RTP2: variants seen among roughly 807,000 people sequenced by gnomAD.
RTP2 encodes the protein receptor-transporting protein 2.
Under a neutral mutation model 17.9 loss-of-function variants are expected in RTP2, and 12 were observed. That is an observed-to-expected ratio of 0.67 (90% CI 0.43 to 1.09). The LOEUF is 1.09. Ranked by LOEUF, RTP2 falls within the 50% of genes least tolerant of loss-of-function variation. The probability of loss-of-function intolerance (pLI) is 0.00; values close to 1 mark genes in which losing one functional copy is unlikely to be tolerated. For missense variants in RTP2, 327 were observed against 295.7 expected, an observed-to-expected ratio of 1.11 and a Z score of -0.78; for synonymous variants, 126 against 117.7, an observed-to-expected ratio of 1.07 and a Z score of -0.46.
chr3:187,702,043 A>T, exon 1 of RTP2: 1 of 1,613,578 alleles, frequency 6.2e-7, no homozygotes, highest in Non-Finnish European at 8.5e-7. Flanking sequence ...GTCTATGATG[A>T]GCTCCCAGCT....
At chr3:187,705,439 C>A (rs1717967471), upstream of RTP2, among the ~76,000 whole-genome samples, 1 of 152,168 alleles carries the variant, frequency 6.6e-6, no homozygotes, top group African/African-American at 2.4e-5. Flanking sequence ...TTTAAAGCAT[C>A]CATTCTAAAA....
Position 187,698,581 on chromosome 3 carries a change from G to GA in RTP2, c.594dup (p.Leu199SerfsTer76). On this transcript the variant is annotated frameshift_variant, in exon 2 of 2. Coordinates refer to ENST00000358241, the Ensembl canonical transcript of RTP2. LOFTEE classifies it high-confidence loss of function. ...GAGGCCCAGAAGAGGCACCAGCGAA[G>GA]AGACAAGAAGTTGTAGCCGGATCCC... 6.2e-7 allele frequency: 1 copy of GA among 1,614,266 alleles called. No individual in the cohort carries two copies. Among genetic ancestry groups the GA allele is most frequent in the Non-Finnish European group, 8.5e-7 (1 of 1,180,056 alleles).
the RTP2 span, among the ~76,000 whole-genome samples, chr3:187,713,940 G>T: frequency 5.6e-4 from 85 of 152,260 alleles, no homozygotes; most frequent in African/African-American, 1.9e-3. Flanking sequence ...ACAAAGATAG[G>T]TGTACCTTTT....
exon 1 of RTP2, chr3:187,702,030 G>A: frequency 6.2e-7 from 1 of 1,613,482 alleles, no homozygotes; most frequent in Middle Eastern, 1.7e-4. Flanking sequence ...GCTTGAGGTT[G>A]GGGTCTATGA....
At position 187,699,022 on chromosome 3, in the gene RTP2, GAGA is replaced by G; in HGVS notation, c.165-14_165-12del. On this transcript the variant is annotated splice_polypyrimidine_tract_variant and intron_variant, in intron 1 of 1. Transcript: ENST00000358241. ...CAGGAGCAGTGGAACCTGCCGGGAGGAGAAGGAGGGGTGGAGAAGGTGGGCATC... is the reference window on the plus strand; with the variant it reads ...CAGGAGCAGTGGAACCTGCCGGGAGGAGGAGGGGTGGAGAAGGTGGGCATC... 1 of 1,567,276 alleles carries G rather than the reference GAGA, an allele frequency of 6.4e-7. No individual in the cohort carries two copies. Among genetic ancestry groups the G allele is most frequent in the South Asian group, 1.2e-5 (1 of 84,634 alleles).
At chr3:187,699,569 GT>G (rs928394460) in intron 1 of RTP2, among the ~76,000 whole-genome samples, 48 of 152,138 alleles carry the variant, frequency 3.2e-4, no homozygotes, top group African/African-American at 1.2e-3. Context: ...GGACAGACCG[GT>G]AGATGGGTAG....
chr3:187,709,761 G>GA, the RTP2 span, among the ~76,000 whole-genome samples: 86,192 of 151,982 alleles, frequency 0.57, 26,100 homozygotes, highest in East Asian at 0.75. Flanking sequence ...ATTAAAATTT[G>GA]AAAAAAATGT....
At chr3:187,705,527 T>C (rs1401312925), upstream of RTP2, among the ~76,000 whole-genome samples, 1 of 152,192 alleles carries the variant, frequency 6.6e-6, no homozygotes, top group African/African-American at 2.4e-5. Flanking sequence ...ATTTACCCAG[T>C]AGAACATTTG....
upstream of RTP2, among the ~76,000 whole-genome samples, chr3:187,705,193 A>G (rs1400142169): frequency 1.3e-5 from 2 of 151,926 alleles, no homozygotes; most frequent in Non-Finnish European, 2.9e-5. Flanking sequence ...ATAGGGGTTG[A>G]GTTAGGAAGG....
the RTP2 span, among the ~76,000 whole-genome samples, chr3:187,709,730 T>C: frequency 6.2e-5 from 9 of 145,916 alleles, no homozygotes; most frequent in Admixed American, 3.5e-4. Context: ...GAAATGTTTA[T>C]CTAAAGAGGG....
intron 1 of RTP2, among the ~76,000 whole-genome samples, chr3:187,699,611 G>C (rs1231030832): frequency 1.3e-5 from 2 of 151,954 alleles, no homozygotes; most frequent in African/African-American, 4.8e-5. Context: ...GAACTACCAA[G>C]TTTAGTTACT....
chr3:187,702,824 C>G (rs1373342671), upstream of RTP2, among the ~76,000 whole-genome samples: 1 of 152,244 alleles, frequency 6.6e-6, no homozygotes, highest in Non-Finnish European at 1.5e-5. Context: ...TGAGAAGTAA[C>G]ATCTCTTTGC....
At chr3:187,698,763 C>T (rs748373154) in exon 2 of RTP2, 5 of 1,613,728 alleles carry the variant, frequency 3.1e-6, no homozygotes, top group Non-Finnish European at 4.2e-6. Context: ...CACGTGGATG[C>T]GGTACTGGCC....
exon 1 of RTP2, chr3:187,702,395 A>G: frequency 1.8e-6 from 1 of 544,968 alleles, no homozygotes; most frequent in Admixed American, 2.3e-5. Context: ...AGCGCTGGGT[A>G]GGCCTGAGAG....
chr3:187,710,828 G>C, the RTP2 span, among the ~76,000 whole-genome samples: 1 of 152,130 alleles, frequency 6.6e-6, no homozygotes, highest in African/African-American at 2.4e-5. Context: ...GCGATGTCAA[G>C]GGTCCACTCT....
the RTP2 span, among the ~76,000 whole-genome samples, chr3:187,708,435 A>C: frequency 2.0e-5 from 3 of 152,216 alleles, no homozygotes; most frequent in African/African-American, 7.2e-5. Context: ...ATGAAGTCTG[A>C]GTGGGTGAAG....
the RTP2 span, among the ~76,000 whole-genome samples, chr3:187,709,258 G>T: frequency 1.3e-5 from 2 of 152,056 alleles, no homozygotes; most frequent in African/African-American, 4.8e-5. Context: ...TCCAAGTTTG[G>T]TGCACAATGG....
At chr3:187,706,254 C>A (rs1179143222), upstream of RTP2, among the ~76,000 whole-genome samples, 1 of 151,996 alleles carries the variant, frequency 6.6e-6, no homozygotes, top group Non-Finnish European at 1.5e-5. Flanking sequence ...ATATGTTAAA[C>A]GAAGATGTTT....
At chr3:187,698,999 G>A (rs974156464) in exon 2 of RTP2, 6 of 1,585,654 alleles carry the variant, frequency 3.8e-6, no homozygotes, top group Non-Finnish European at 5.2e-6. Context: ...GCCAGCACCA[G>A]GAGCAGTGGA....
Sources: gnomAD v4.1 joint callset for allele counts (sites outside exome capture counted in the v4.1 genomes callset) on GRCh38, gnomAD v4.1.1 for gene constraint, MANE v1.5 for transcripts, NCBI Gene and HGNC (gene_info 2026-07-23, HGNC 2026-07-21) for gene names.